Variants in LPP observed in about 807,000 individuals in gnomAD.
LPP encodes LIM domain containing preferred translocation partner in lipoma.
In LPP, 38 loss-of-function variants were observed where a neutral mutation model predicts 60.4. The observed-to-expected ratio is 0.63, with a 90% CI of 0.49 to 0.83. The LOEUF (loss-of-function observed/expected upper bound fraction) is 0.83, where lower values mean the gene tolerates loss of function less well. Ranked by LOEUF, LPP falls within the 40% of genes least tolerant of loss-of-function variation. The pLI, the probability that LPP is intolerant of heterozygous loss-of-function variation, is 0.00. For missense variants in LPP, 902 were observed against 783.6 expected (o/e 1.15, Z -1.80); for synonymous variants, 328 against 290.8 (o/e 1.13, Z -1.30).
At chr3:188,165,607 TG>T (rs1156644979) in intron 1 of LPP, among the ~76,000 whole-genome samples, 1 of 152,180 alleles carries the variant, frequency 6.6e-6, no homozygotes, top group Non-Finnish European at 1.5e-5. Flanking sequence ...AGTAGATCAA[TG>T]AGATGACTGG....
chr3:188,238,868 C>T (rs773302648), intron 2 of LPP, among the ~76,000 whole-genome samples: 12 of 152,026 alleles, frequency 7.9e-5, no homozygotes, highest in Non-Finnish European at 1.6e-4. Context: ...TGATACACAG[C>T]TGCCTCCACA....
intron 2 of LPP, among the ~76,000 whole-genome samples, chr3:188,269,083 T>C (rs1005895703): frequency 3.9e-5 from 6 of 152,228 alleles, no homozygotes; most frequent in Non-Finnish European, 7.3e-5. Flanking sequence ...CTAGGAGATA[T>C]AAAACATGCT....
intron 8 of LPP, among the ~76,000 whole-genome samples, chr3:188,737,731 T>C (rs1723020057): frequency 6.6e-6 from 1 of 152,152 alleles, no homozygotes; most frequent in African/African-American, 2.4e-5. Context: ...TTTGAATGTT[T>C]AATAGCCTTA....
intron 9 of LPP, among the ~76,000 whole-genome samples, chr3:188,772,593 C>T (rs925345241): frequency 2.6e-5 from 4 of 152,076 alleles, no homozygotes; most frequent in Non-Finnish European, 4.4e-5. Flanking sequence ...CTCCTGGGTT[C>T]GCGCCATTCT....
Position 188,609,542 on chromosome 3 carries a change from A to G in LPP, c.811A>G (p.Met271Val), listed in dbSNP as rs1265474499. ...TCCACCTCCTTCAACACGGGGAGGC[A>G]TGGATTATGCCTACATTCCACCACC... The part of the protein sequence containing the change: ...QCPPPSTRGG[M>V]DYAYIPPPGL... Residue 271 changes from methionine (M) to valine (V), a missense_variant, in exon 7 of 12, where the codon ATG (methionine) becomes GTG (valine). Coordinates refer to ENST00000617246, the MANE Select transcript of LPP (RefSeq NM_001375462.1). This position sits in a 1 kb window ranked among gnomAD's most constrained non-coding sequence, Gnocchi z 6.9. The G allele has an allele frequency of 2.5e-6, 4 of 1,614,152 alleles. No individual in the cohort carries two copies. In the Admixed American group the frequency reaches 5.0e-5, roughly 20 times the overall value.
At chr3:188,284,935 A>C (rs1743407189) in intron 2 of LPP, among the ~76,000 whole-genome samples, 1 of 151,828 alleles carries the variant, frequency 6.6e-6, no homozygotes, top group Admixed American at 6.6e-5. Flanking sequence ...CTGTTGGGAG[A>C]TGTATCGGTT....
intron 6 of LPP, among the ~76,000 whole-genome samples, chr3:188,533,448 A>G (rs1039956737): frequency 6.6e-6 from 1 of 152,188 alleles, no homozygotes; most frequent in African/African-American, 2.4e-5. Flanking sequence ...TACTCTGTTG[A>G]AAAAGAAAAT....
chr3:188,231,304 T>C (rs1047258478), intron 2 of LPP, among the ~76,000 whole-genome samples: 1 of 152,184 alleles, frequency 6.6e-6, no homozygotes, highest in African/African-American at 2.4e-5. Flanking sequence ...TTTACATGGA[T>C]GTGCTAAGGT....
chr3:188,667,477 C>CAA (rs558923211), intron 7 of LPP, among the ~76,000 whole-genome samples: 7,696 of 139,266 alleles, frequency 0.055, 654 homozygotes, highest in African/African-American at 0.19. Context: ...TACTCTGTCT[C>CAA]AAAAAAAAAA....
chr3:188,163,505 G>A (rs570696008), intron 1 of LPP, among the ~76,000 whole-genome samples: 44 of 152,256 alleles, frequency 2.9e-4, no homozygotes, highest in African/African-American at 1.0e-3. Context: ...GTCCTGATTC[G>A]GAGGATACGT....
At chr3:188,389,227 A>G (rs1439482212) in intron 3 of LPP, among the ~76,000 whole-genome samples, 1 of 150,546 alleles carries the variant, frequency 6.6e-6, no homozygotes, top group Non-Finnish European at 1.5e-5. Context: ...CACTTATTTC[A>G]CCTCTCTGTC....
chr3:188,501,397 G>T (rs370911422), intron 5 of LPP, among the ~76,000 whole-genome samples: 3 of 152,080 alleles, frequency 2.0e-5, no homozygotes, highest in Non-Finnish European at 2.9e-5. Context: ...GGAGGATCAC[G>T]AGGACAGGAG....
At chr3:188,418,074 T>C (rs930509930) in intron 4 of LPP, among the ~76,000 whole-genome samples, 12 of 152,322 alleles carry the variant, frequency 7.9e-5, no homozygotes, top group Non-Finnish European at 1.3e-4. Flanking sequence ...TAGAGCACTT[T>C]CTCACATAAT....
chr3:188,478,550 C>G (rs1803857967), intron 4 of LPP, among the ~76,000 whole-genome samples: 1 of 151,864 alleles, frequency 6.6e-6, no homozygotes, highest in Non-Finnish European at 1.5e-5. Flanking sequence ...CTGCTTTGAT[C>G]CACAGATTGA....
chr3:188,288,580 G>GCACACACACA (rs71167088), intron 2 of LPP, among the ~76,000 whole-genome samples: 7 of 150,626 alleles, frequency 4.6e-5, no homozygotes, highest in Non-Finnish European at 8.9e-5. Context: ...ATGTACACGT[G>GCACACACACA]CACACACACA....
Position 188,890,412 on chromosome 3 carries a change from T to C in LPP, c.*15933T>C, listed in dbSNP as rs1258870820. On this transcript the variant is annotated 3_prime_UTR_variant, in exon 12 of 12. Coordinates refer to ENST00000617246, the MANE Select transcript of LPP (RefSeq NM_001375462.1). ...CAAACCATCACTGATGTATCCAAAA[T>C]AGCACACATAGTTCAGTATGAAAAT... The C allele has an allele frequency of 5.0e-6, 1 of 200,538 alleles. No homozygotes were observed. The highest frequency in any genetic ancestry group is 1.0e-5 in the Non-Finnish European group (1 of 97,322). 12.4% of individuals were successfully genotyped at this position (200,538 alleles called of 1,614,324 possible).
At chr3:188,591,759 T>C (rs1838759779) in intron 6 of LPP, among the ~76,000 whole-genome samples, 1 of 152,210 alleles carries the variant, frequency 6.6e-6, no homozygotes, top group Admixed American at 6.5e-5. Flanking sequence ...AGAAGGAATG[T>C]GATAATACAA....
chr3:188,338,447 C>T (rs1029272189), intron 2 of LPP, among the ~76,000 whole-genome samples: 1 of 152,204 alleles, frequency 6.6e-6, no homozygotes, highest in Non-Finnish European at 1.5e-5. Context: ...AATCCTTTTA[C>T]TACTACCTCT....
rs1236259954 is a variant in LPP, at chr3:188,572,802, T to C, written c.430-36359T>C. On this transcript the variant is annotated intron_variant, in intron 6 of 11. Coordinates refer to ENST00000617246, the MANE Select transcript of LPP (RefSeq NM_001375462.1). This position sits in a 1 kb window ranked among gnomAD's most constrained non-coding sequence, Gnocchi z 4.1. ...AAAACAAGGGTTTATTTCTTACTTA[T>C]GCTACTTGTTCATCATAGGACAGAA... 6.6e-6 allele frequency among the ~76,000 whole-genome samples: 1 copy of C among 152,156 alleles called. No individual in the cohort carries two copies. Among genetic ancestry groups the C allele is most frequent in the Non-Finnish European group, 1.5e-5 (1 of 68,016 alleles).
Sources: gnomAD v4.1 joint callset for allele counts (sites outside exome capture counted in the v4.1 genomes callset) on GRCh38, gnomAD v4.1.1 for gene constraint, Gnocchi (gnomAD v3.1) non-coding constraint, MANE v1.5 for transcripts, NCBI Gene and HGNC (gene_info 2026-07-23, HGNC 2026-07-21) for gene names.